The following ADAMTSL1 variants were observed in gnomAD, a reference collection of about 807,000 sequenced individuals.
ADAMTSL1 encodes the protein ADAMTS like 1.
Under a neutral mutation model 201.8 loss-of-function variants are expected in ADAMTSL1, and 126 were observed. That is an observed-to-expected ratio of 0.62 (90% CI 0.54 to 0.72). ADAMTSL1 has a LOEUF of 0.72. ADAMTSL1 is among the 30% of genes least tolerant of loss of function. The pLI, the probability that ADAMTSL1 is intolerant of heterozygous loss-of-function variation, is 0.00. For synonymous variants in ADAMTSL1, 1,121 were observed against 903.4 expected, an observed-to-expected ratio of 1.24 and a Z score of -4.32; for missense variants, 2,679 against 2,277.8, an observed-to-expected ratio of 1.18 and a Z score of -3.59.
chr9:18,807,051 A>C (rs920440640), intron 20 of ADAMTSL1, among the ~76,000 whole-genome samples: 19 of 152,158 alleles, frequency 1.2e-4, no homozygotes, highest in Admixed American at 2.6e-4. Context: ...AACCGTGCAA[A>C]AATGATTCTT....
chr9:18,871,877 A>G (rs1000838497), intron 23 of ADAMTSL1, among the ~76,000 whole-genome samples: 2 of 152,152 alleles, frequency 1.3e-5, no homozygotes, highest in African/African-American at 2.4e-5. Flanking sequence ...TCTAAAGCCA[A>G]CCTAGATAAT....
chr9:18,296,663 A>C (rs1477075163), intron 2 of ADAMTSL1, among the ~76,000 whole-genome samples: 1 of 152,346 alleles, frequency 6.6e-6, no homozygotes, highest in Admixed American at 6.5e-5. Flanking sequence ...TTAAAAGGGA[A>C]TAGAACAATG....
At chr9:18,745,737 C>G (rs1055600530) in intron 15 of ADAMTSL1, among the ~76,000 whole-genome samples, 8 of 152,202 alleles carry the variant, frequency 5.3e-5, no homozygotes, top group Non-Finnish European at 1.0e-4. Context: ...TGAGTTCATA[C>G]TGTTTGCAAC....
chr9:18,397,788 C>T (rs1817813613), intron 2 of ADAMTSL1, among the ~76,000 whole-genome samples: 1 of 152,134 alleles, frequency 6.6e-6, no homozygotes, highest in Non-Finnish European at 1.5e-5. Context: ...CTATATTTTT[C>T]TTAACTTCTA....
intron 1 of ADAMTSL1, among the ~76,000 whole-genome samples, chr9:17,995,560 A>G (rs1250611498): frequency 2.6e-5 from 4 of 152,080 alleles, no homozygotes; most frequent in African/African-American, 9.7e-5. Context: ...TGAACTAGAG[A>G]GAAAAGTGGA....
chr9:18,250,244 A>T (rs1292062827), intron 2 of ADAMTSL1, among the ~76,000 whole-genome samples: 2 of 152,132 alleles, frequency 1.3e-5, no homozygotes, highest in African/African-American at 4.8e-5. Flanking sequence ...TATCATTGAG[A>T]TTGTCTGTAA....
intron 2 of ADAMTSL1, among the ~76,000 whole-genome samples, chr9:18,196,888 C>T (rs1419186979): frequency 6.6e-6 from 1 of 152,048 alleles, no homozygotes; most frequent in Non-Finnish European, 1.5e-5. Context: ...CAGGCTTCAG[C>T]ACAAGTGTCC....
At chr9:18,018,552 G>T (rs1820352340) in intron 1 of ADAMTSL1, among the ~76,000 whole-genome samples, 1 of 152,036 alleles carries the variant, frequency 6.6e-6, no homozygotes, top group Non-Finnish European at 1.5e-5. Context: ...CTCACCCTTT[G>T]ATTGATCACT....
chr9:18,255,281 G>C (rs1207642845), intron 2 of ADAMTSL1, among the ~76,000 whole-genome samples: 2 of 152,000 alleles, frequency 1.3e-5, no homozygotes, highest in African/African-American at 2.4e-5. Flanking sequence ...TCTTTACCTT[G>C]TAGCAGGCGT....
intron 1 of ADAMTSL1, among the ~76,000 whole-genome samples, chr9:18,160,116 T>C (rs1315804951): frequency 3.9e-5 from 6 of 152,142 alleles, no homozygotes; most frequent in Non-Finnish European, 1.5e-5. Flanking sequence ...ACAATTCTAT[T>C]CTGGAAGCTG....
chr9:18,629,914 T>A (rs1008978513), intron 5 of ADAMTSL1, among the ~76,000 whole-genome samples: 1 of 152,228 alleles, frequency 6.6e-6, no homozygotes, highest in African/African-American at 2.4e-5. Flanking sequence ...TGGAACACCA[T>A]TATAGTAACT....
rs755458885 is a variant in ADAMTSL1 at position 18,853,793 on chromosome 9, A to AC, written c.4249+23816_4249+23817insC. On this transcript the variant is annotated intron_variant, in intron 23 of 28. Transcript: ENST00000380548. ...TTCTCACTGTTATAATTTTTGCAAA[A>AC]GCGATTTCACATGAAGGGGAGGAAC... 9.2e-5 allele frequency among the ~76,000 whole-genome samples: 14 copies of AC among 152,228 alleles called. 1 individual carries two copies. Among genetic ancestry groups the AC allele is most frequent in the Admixed American group, 7.2e-4 (11 of 15,290 alleles).
rs186183527 is a variant in ADAMTSL1, at chr9:18,610,482, G to C, written c.475-11761G>C. ...AATTCTCTCCAGGCTCTACCCTAAA[G>C]AGACCCAATTTAGACAGATAGAAAT... On this transcript the variant is annotated intron_variant, in intron 4 of 28. Transcript: ENST00000380548. Among the ~76,000 whole-genome samples the C allele has an allele frequency of 9.6e-4, 146 of 152,250 alleles. 1 individual carries two copies. Among genetic ancestry groups the C allele is most frequent in the Non-Finnish European group, 8.8e-5 (6 of 68,010 alleles).
At chr9:18,634,795 C>T (rs1296642803) in intron 5 of ADAMTSL1, among the ~76,000 whole-genome samples, 2 of 142,828 alleles carry the variant, frequency 1.4e-5, no homozygotes, top group Admixed American at 1.4e-4. Context: ...GCCAAGATCA[C>T]ACCACTGCAC....
chr9:18,200,380 G>T (rs983514523), intron 2 of ADAMTSL1, among the ~76,000 whole-genome samples: 1 of 151,924 alleles, frequency 6.6e-6, no homozygotes, highest in Non-Finnish European at 1.5e-5. Context: ...TTTTGGAACT[G>T]TATAAATTCT....
chr9:18,065,236 T>A (rs1822641613), intron 1 of ADAMTSL1, among the ~76,000 whole-genome samples: 1 of 152,162 alleles, frequency 6.6e-6, no homozygotes, highest in Non-Finnish European at 1.5e-5. Flanking sequence ...TCTGTTGGGA[T>A]GTACATGCAA....
intron 9 of ADAMTSL1, among the ~76,000 whole-genome samples, chr9:18,664,493 G>C (rs1227671559): frequency 6.6e-6 from 1 of 151,942 alleles, no homozygotes; most frequent in African/African-American, 2.4e-5. Context: ...GAAAACCAAC[G>C]TTCTTGGTAT....
chr9:18,380,827 T>C lies in ADAMTSL1; in HGVS notation c.208-124002T>C, dbSNP rs887773316. ...TATTTTCCTCATTTACTACAGTCCA[T>C]CAGGTGAACGCATGCCCCAAACAAA... On this transcript the variant is annotated intron_variant, in intron 2 of 29. Coordinates refer to the ADAMTSL1 transcript ENST00000680146. 2.0e-5 allele frequency among the ~76,000 whole-genome samples: 3 copies of C among 152,222 alleles called. No homozygotes were observed. The South Asian group carries it at 6.2e-4, about 31-fold the overall frequency.
intron 15 of ADAMTSL1, among the ~76,000 whole-genome samples, chr9:18,733,626 A>G (rs1818339225): frequency 8.2e-6 from 1 of 121,448 alleles, no homozygotes; most frequent in Non-Finnish European, 1.8e-5. Flanking sequence ...CGACACCACC[A>G]CTCCCCCCAC....
Sources: allele counts gnomAD v4.1 joint callset (sites outside exome capture counted in the v4.1 genomes callset), GRCh38; gene constraint gnomAD v4.1.1; transcripts MANE v1.5; gene names NCBI Gene and HGNC (gene_info 2026-07-23, HGNC 2026-07-21).